ATAT1: variants seen among roughly 807,000 people sequenced by gnomAD.
ATAT1 encodes the protein alpha-tubulin N-acetyltransferase 1.
ATAT1 carries 42 observed loss-of-function variants against 57.2 expected under a neutral mutation model. The ratio of observed to expected loss-of-function variants is 0.73; its 90% CI spans 0.57 to 0.95. The LOEUF is 0.95. Among genes scored for constraint, ATAT1 ranks in the 40% least tolerant of loss-of-function variants. The pLI is 0.00. For synonymous variants in ATAT1, 168 were observed against 187.1 expected, an observed-to-expected ratio of 0.90 and a Z score of 0.83; for missense variants, 454 against 523.7, an observed-to-expected ratio of 0.87 and a Z score of 1.30.
chr6:30,627,122 C>A lies in ATAT1; in HGVS notation c.-82C>A. The A allele has an allele frequency of 6.3e-7, 1 of 1,593,298 alleles. No individual in the cohort carries two copies. Among genetic ancestry groups the A allele is most frequent in the African/African-American group, 1.3e-5 (1 of 74,656 alleles). ...TGTCCAGGCCTGCCTTTTTGGTGAC[C>A]TCTGACCCTGGGCCTAGTGGGATTG... On this transcript the variant is annotated 5_prime_UTR_variant, in exon 1 of 13. Transcript: ENST00000330083.
intron 6 of ATAT1, among the ~76,000 whole-genome samples, chr6:30,632,652 C>A (rs1359017843): frequency 6.6e-6 from 1 of 151,298 alleles, no homozygotes; most frequent in Admixed American, 6.6e-5. Flanking sequence ...TAAGAACAGG[C>A]AATAGCCGGG....
At chr6:30,642,638 G>A (rs1374809312) in intron 9 of ATAT1, 130 bp from the exon 10 acceptor site, 15 of 696,238 alleles carry the variant, frequency 2.2e-5, no homozygotes, top group Non-Finnish European at 2.8e-5. Context: ...GTGAGACTCC[G>A]TCTCAAAAAA....
In ATAT1 at chr6:30,629,098, C is replaced by T. The variant is rs186596987; in HGVS notation, c.501+668C>T. Among the ~76,000 whole-genome samples the T allele has an allele frequency of 2.0e-3, 300 of 151,834 alleles. 5 individuals carry two copies. The highest frequency in any genetic ancestry group is 3.4e-4 in the Non-Finnish European group (23 of 67,952). The stretch of plus-strand genomic sequence containing the variant: ...TATTTTTTGTAGAGATGAGGTCTCA[C>T]TATGTTGCACTGGGTGGTCTTGAAC... On this transcript the variant is annotated intron_variant, in intron 6 of 12. Coordinates refer to ENST00000330083, the MANE Select transcript of ATAT1 (RefSeq NM_001031722.4).
chr6:30,641,557 A>AG (rs1254729426), intron 8 of ATAT1, among the ~76,000 whole-genome samples: 28 of 152,310 alleles, frequency 1.8e-4, no homozygotes, highest in African/African-American at 6.5e-4. Flanking sequence ...GAGCAAGTAG[A>AG]GAAGTGAGGA....
chr6:30,630,162 C>CA (rs918832473), intron 6 of ATAT1, among the ~76,000 whole-genome samples: 3 of 150,848 alleles, frequency 2.0e-5, no homozygotes, highest in Admixed American at 6.6e-5. Flanking sequence ...ACAAAAAATA[C>CA]AAAAAAAAAT....
In ATAT1 at chr6:30,642,937, C is replaced by T; in HGVS notation, c.858C>T (p.Cys286=). Reference sequence around the variant, plus strand: ...AGCTGCTGCGTTCCTTGCGCCTCTGCCCCCCACACCCTACCGCCCGCCTTC... The same window carrying T: ...AGCTGCTGCGTTCCTTGCGCCTCTGTCCCCCACACCCTACCGCCCGCCTTC... The change falls in exon 10 of 13, where the codon TGC becomes TGT. Residue 286 remains cysteine, a synonymous_variant. Coordinates refer to ENST00000330083, the MANE Select transcript of ATAT1 (RefSeq NM_001031722.4). 6.2e-7 allele frequency: 1 copy of T among 1,613,512 alleles called. No individual in the cohort carries two copies. The highest frequency in any genetic ancestry group is 8.5e-7 in the Non-Finnish European group (1 of 1,179,888).
Position 30,626,897 on chromosome 6 carries a change from G to A in ATAT1, c.-307G>A. 2 of 1,608,228 alleles carry A rather than the reference G, an allele frequency of 1.2e-6. No homozygotes were observed. Among genetic ancestry groups the A allele is most frequent in the Non-Finnish European group, 1.7e-6 (2 of 1,178,134 alleles). ...GCGCACAATGGGCCATGGAGTTCCC[G>A]TTCGATGTGGACGCGCTGTTCCCGG... On this transcript the variant is annotated 5_prime_UTR_variant, in exon 1 of 13. Coordinates refer to ENST00000330083, the MANE Select transcript of ATAT1 (RefSeq NM_001031722.4).
At chr6:30,633,721 G>A (rs1020092969) in intron 6 of ATAT1, 2 of 212,144 alleles carry the variant, frequency 9.4e-6, no homozygotes, top group South Asian at 9.3e-5. Flanking sequence ...TGGAAGAGAC[G>A]CCCATGCTAA....
At chr6:30,639,243 G>A (rs1161392463) in intron 6 of ATAT1, among the ~76,000 whole-genome samples, 1 of 152,142 alleles carries the variant, frequency 6.6e-6, no homozygotes, top group Non-Finnish European at 1.5e-5. Flanking sequence ...GCCTCCCAAA[G>A]TGCTGGGATT....
chr6:30,630,719 C>A (rs760091881), intron 6 of ATAT1, among the ~76,000 whole-genome samples: 30 of 152,080 alleles, frequency 2.0e-4, no homozygotes, highest in Non-Finnish European at 3.2e-4. Flanking sequence ...AGGAGGATCA[C>A]CTGATATCAG....
chr6:30,636,400 C>T (rs1468787947), intron 6 of ATAT1, among the ~76,000 whole-genome samples: 3 of 151,848 alleles, frequency 2.0e-5, no homozygotes, highest in East Asian at 1.9e-4. Context: ...CTGGCTAACA[C>T]GGTAAAACCC....
Position 30,628,436 on chromosome 6 carries a change from A to C in ATAT1, c.501+6A>C. The C allele has an allele frequency of 6.3e-7, 1 of 1,598,806 alleles. No homozygotes were observed. Among genetic ancestry groups the C allele is most frequent in the Non-Finnish European group, 8.6e-7 (1 of 1,167,150 alleles). ...TGGAGACCACAGTCCCACAGGTTAG[A>C]GGTTTCAGAGAATAGATCCCCACTG... On this transcript the variant is annotated splice_donor_region_variant and intron_variant, in intron 6 of 12. Transcript: ENST00000330083.
intron 6 of ATAT1, among the ~76,000 whole-genome samples, chr6:30,637,220 C>A (rs1764295313): frequency 2.6e-5 from 4 of 152,164 alleles, no homozygotes; most frequent in Admixed American, 1.3e-4. Context: ...TATGCATCAT[C>A]TCAGTGGATT....
At chr6:30,640,666 C>T (rs567241874) in intron 8 of ATAT1, 63 bp downstream of exon 8, 118 of 1,576,028 alleles carry the variant, frequency 7.5e-5, no homozygotes, top group Middle Eastern at 1.8e-4. Flanking sequence ...CTAGATGCCA[C>T]GGGGTACAGT....
At chr6:30,633,272 G>A (rs577741017) in intron 6 of ATAT1, among the ~76,000 whole-genome samples, 53 of 152,300 alleles carry the variant, frequency 3.5e-4, no homozygotes, top group African/African-American at 1.2e-3. Flanking sequence ...AGATGTCTGT[G>A]ATATGTCCAG....
intron 10 of ATAT1, among the ~76,000 whole-genome samples, chr6:30,645,192 T>C (rs1392549174): frequency 6.6e-6 from 1 of 152,046 alleles, no homozygotes; most frequent in Non-Finnish European, 1.5e-5. Context: ...GCCTTGTCAC[T>C]TCCTATTTCC....
Position 30,627,148 on chromosome 6 carries a change from A to C in ATAT1, c.-56A>C. On this transcript the variant is annotated 5_prime_UTR_variant, in exon 1 of 13. Transcript: ENST00000330083. ...TCTGACCCTGGGCCTAGTGGGATTG[A>C]TCAGCGCTTGGATCTGTGACCTTTC... 1 of 1,610,060 alleles carries C rather than the reference A, an allele frequency of 6.2e-7. No individual in the cohort carries two copies. The highest frequency in any genetic ancestry group is 8.5e-7 in the Non-Finnish European group (1 of 1,178,018).
intron 6 of ATAT1, among the ~76,000 whole-genome samples, chr6:30,639,681 G>A (rs931636693): frequency 6.6e-6 from 1 of 151,002 alleles, no homozygotes; most frequent in African/African-American, 2.4e-5. Context: ...GTTTCACCAT[G>A]TTAGCCAGGA....
chr6:30,646,170 C>G, intron 12 of ATAT1, 61 bp downstream of exon 12: 1 of 1,571,308 alleles, frequency 6.4e-7, no homozygotes, highest in Non-Finnish European at 8.6e-7. Context: ...TTCCTAACAT[C>G]ATTCTCAGTC....
Sources: allele counts gnomAD v4.1 joint callset (sites outside exome capture counted in the v4.1 genomes callset), GRCh38; gene constraint gnomAD v4.1.1; transcripts MANE v1.5; gene names NCBI Gene and HGNC (gene_info 2026-07-23, HGNC 2026-07-21).